The following ROBO1 variants were observed in gnomAD, a reference collection of about 807,000 sequenced individuals.
ROBO1 encodes the protein roundabout homolog 1.
Under a neutral mutation model 195.9 loss-of-function variants are expected in ROBO1, and 149 were observed. The observed-to-expected ratio is 0.76, with a 90% CI of 0.67 to 0.87. The LOEUF is 0.87. ROBO1 is among the 40% of genes least tolerant of loss of function. The pLI, the probability that ROBO1 is intolerant of heterozygous loss-of-function variation, is 0.00. For missense variants in ROBO1, 1,933 were observed against 2,068.3 expected (o/e 0.93, Z 1.27); for synonymous variants, 816 against 733.2 (o/e 1.11, Z -1.82).
At chr3:79,289,654 T>A (rs1248866235) in intron 2 of ROBO1, among the ~76,000 whole-genome samples, 2 of 152,210 alleles carry the variant, frequency 1.3e-5, no homozygotes, top group Admixed American at 6.5e-5. Context: ...TTTTACCATT[T>A]TCTCAAAACT....
chr3:79,337,866 C>T (rs1320913697), intron 2 of ROBO1, among the ~76,000 whole-genome samples: 1 of 151,928 alleles, frequency 6.6e-6, no homozygotes, highest in Non-Finnish European at 1.5e-5. Flanking sequence ...AATTTTAAAG[C>T]CTTAAGTATA....
At position 79,283,913 on chromosome 3, in the gene ROBO1, G is replaced by A. The variant is rs1219908382; in HGVS notation, c.89-158374C>T. 2.0e-5 allele frequency among the ~76,000 whole-genome samples: 3 copies of A among 151,814 alleles called. No homozygotes were observed. The East Asian group carries it at 5.8e-4, about 29-fold the overall frequency. On this transcript the variant is annotated intron_variant, in intron 2 of 30. Transcript: ENST00000464233. ...GGGGTTTCACCGTGTTAGCCAGGAT[G>A]GTCTCGATCTCCTGACCTCGTGATC... is the stretch of plus-strand genomic sequence containing the variant.
intron 2 of ROBO1, among the ~76,000 whole-genome samples, chr3:79,310,709 T>C (rs1248153992): frequency 6.6e-6 from 1 of 152,190 alleles, no homozygotes; most frequent in Non-Finnish European, 1.5e-5. Context: ...ACACATTGCA[T>C]ATATCAAAAT....
chr3:78,701,491 C>A (rs1025747490), intron 8 of ROBO1, among the ~76,000 whole-genome samples: 3 of 152,104 alleles, frequency 2.0e-5, no homozygotes, highest in Non-Finnish European at 4.4e-5. Flanking sequence ...TTGAAAATTT[C>A]AACAATCTAG....
At chr3:79,316,581 G>C (rs2033746907) in intron 2 of ROBO1, among the ~76,000 whole-genome samples, 1 of 152,042 alleles carries the variant, frequency 6.6e-6, no homozygotes, top group African/African-American at 2.4e-5. Context: ...TTGTTCCTAT[G>C]TTCTTAGAGA....
intron 1 of ROBO1, among the ~76,000 whole-genome samples, chr3:79,733,264 T>A (rs1421237055): frequency 6.6e-6 from 1 of 152,196 alleles, no homozygotes; most frequent in African/African-American, 2.4e-5. Flanking sequence ...CTTCTATATT[T>A]CCCATTAACC....
chr3:79,350,287 C>T (rs1027877361), intron 2 of ROBO1, among the ~76,000 whole-genome samples: 4 of 152,118 alleles, frequency 2.6e-5, no homozygotes, highest in Non-Finnish European at 5.9e-5. Flanking sequence ...ATAAAAAATA[C>T]AGACTATAGC....
At chr3:78,620,017 CAAAAA>C (rs11314248) in intron 26 of ROBO1, among the ~76,000 whole-genome samples, 1 of 107,772 alleles carries the variant, frequency 9.3e-6, no homozygotes. Context: ...GACTCTGTCT[CAAAAA>C]AAAAAAAAAA....
At chr3:79,031,720 TTGA>T (rs144836664) in intron 3 of ROBO1, among the ~76,000 whole-genome samples, 1,860 of 152,320 alleles carry the variant, frequency 0.012, 42 homozygotes, top group African/African-American at 0.043. Context: ...CAAACATTAA[TTGA>T]TTATTATTAT....
At chr3:79,005,804 G>A (rs560156080) in intron 3 of ROBO1, among the ~76,000 whole-genome samples, 543 of 152,180 alleles carry the variant, frequency 3.6e-3, no homozygotes, top group Non-Finnish European at 5.3e-3. Context: ...AATTGTTAAT[G>A]ATTACTGACC....
chr3:79,622,083 C>CA (rs778787744), intron 1 of ROBO1, among the ~76,000 whole-genome samples: 4 of 152,128 alleles, frequency 2.6e-5, no homozygotes, highest in Admixed American at 6.5e-5. Flanking sequence ...TGTGGTTTGG[C>CA]AGCCCACCTG....
chr3:78,700,983 C>T (rs189110096), intron 8 of ROBO1, among the ~76,000 whole-genome samples: 15 of 152,180 alleles, frequency 9.9e-5, no homozygotes, highest in African/African-American at 3.6e-4. Flanking sequence ...AGGCTTGTCT[C>T]GAACTGGTAA....
At chr3:79,188,839 G>A (rs1007402239) in intron 2 of ROBO1, among the ~76,000 whole-genome samples, 1 of 151,656 alleles carries the variant, frequency 6.6e-6, no homozygotes, top group Admixed American at 6.6e-5. Flanking sequence ...TTCATATTAG[G>A]TAACGTAATA....
chr3:79,097,956 A>G (rs2108504057), intron 3 of ROBO1, among the ~76,000 whole-genome samples: 1 of 151,896 alleles, frequency 6.6e-6, no homozygotes, highest in Admixed American at 6.6e-5. Context: ...ATTCTAAATC[A>G]AGCATGATAT....
chr3:79,606,051 T>C (rs1412145565), intron 1 of ROBO1, among the ~76,000 whole-genome samples: 1 of 151,186 alleles, frequency 6.6e-6, no homozygotes, highest in Admixed American at 6.6e-5. Flanking sequence ...TATATATATA[T>C]ACACCCATTT....
chr3:79,751,296 T>C (rs1704118908), intron 1 of ROBO1, among the ~76,000 whole-genome samples: 1 of 152,200 alleles, frequency 6.6e-6, no homozygotes, highest in Admixed American at 6.5e-5. Context: ...TATTCTTGAA[T>C]ACATGTAAAT....
intron 2 of ROBO1, among the ~76,000 whole-genome samples, chr3:79,234,277 T>A (rs1245324704): frequency 2.0e-5 from 3 of 152,164 alleles, no homozygotes; most frequent in Non-Finnish European, 4.4e-5. Flanking sequence ...ATGTGCAGAA[T>A]GATTTTTTCC....
chr3:78,914,037 G>C (rs2038410511), intron 4 of ROBO1, among the ~76,000 whole-genome samples: 1 of 152,050 alleles, frequency 6.6e-6, no homozygotes, highest in Non-Finnish European at 1.5e-5. Context: ...GAGGGCAAGG[G>C]AAAACCAATT....
At chr3:79,228,369 C>G (rs1181661758) in intron 2 of ROBO1, among the ~76,000 whole-genome samples, 1 of 152,064 alleles carries the variant, frequency 6.6e-6, no homozygotes, top group Non-Finnish European at 1.5e-5. Flanking sequence ...TGTGAAACAT[C>G]AATACTTGCT....
Sources: gnomAD v4.1 joint callset for allele counts (sites outside exome capture counted in the v4.1 genomes callset) on GRCh38, gnomAD v4.1.1 for gene constraint, MANE v1.5 for transcripts, NCBI Gene and HGNC (gene_info 2026-07-23, HGNC 2026-07-21) for gene names.